Variants in SND1 observed in about 807,000 individuals in gnomAD.
The protein encoded by SND1 is staphylococcal nuclease and tudor domain containing 1.
SND1 carries 38 observed loss-of-function variants against 121.7 expected under a neutral mutation model. The observed-to-expected ratio is 0.31, with a 90% CI of 0.24 to 0.41. The LOEUF is 0.41. Ranked by LOEUF, SND1 falls within the 10% of genes least tolerant of loss-of-function variation. The pLI is 1.00. For missense variants in SND1, 868 were observed against 1,184.6 expected (o/e 0.73, Z 3.92); for synonymous variants, 401 against 447.4 (o/e 0.90, Z 1.31).
chr7:127,713,884 C>T (rs1316648365), intron 9 of SND1, among the ~76,000 whole-genome samples: 6 of 152,354 alleles, frequency 3.9e-5, no homozygotes, highest in African/African-American at 1.4e-4. Flanking sequence ...GTTCACTTCA[C>T]AGCGATTAGC....
chr7:128,046,799 C>T (rs1417633991), intron 16 of SND1, among the ~76,000 whole-genome samples: 1 of 152,128 alleles, frequency 6.6e-6, no homozygotes, highest in African/African-American at 2.4e-5. Context: ...CTAACTATTT[C>T]CTTTGAATAT....
At chr7:128,010,879 C>T (rs774288494) in intron 16 of SND1, among the ~76,000 whole-genome samples, 49 of 152,316 alleles carry the variant, frequency 3.2e-4, no homozygotes, top group Non-Finnish European at 5.1e-4. Context: ...CCTGTGGAGC[C>T]GCCAACACTG....
At chr7:127,730,919 C>T (rs976136442) in intron 10 of SND1, among the ~76,000 whole-genome samples, 5 of 152,206 alleles carry the variant, frequency 3.3e-5, no homozygotes, top group Admixed American at 1.3e-4. Flanking sequence ...ACTGGGAACG[C>T]GGGACTTTTT....
At chr7:127,853,320 G>A (rs1799208903) in intron 12 of SND1, among the ~76,000 whole-genome samples, 1 of 152,194 alleles carries the variant, frequency 6.6e-6, no homozygotes. Context: ...AGCTTTAGTA[G>A]TATATAGATA....
chr7:127,674,793 G>A (rs1484152971), intron 1 of SND1, among the ~76,000 whole-genome samples: 2 of 152,120 alleles, frequency 1.3e-5, no homozygotes, highest in African/African-American at 2.4e-5. Flanking sequence ...GCTTGAGCTG[G>A]GTTTATTTTT....
intron 10 of SND1, among the ~76,000 whole-genome samples, chr7:127,747,133 G>T (rs895156736): frequency 1.3e-5 from 2 of 152,188 alleles, no homozygotes; most frequent in Non-Finnish European, 2.9e-5. Context: ...TTTGTATGTA[G>T]AAATGAAGGA....
chr7:127,751,379 G>A (rs531124608), intron 10 of SND1, among the ~76,000 whole-genome samples: 5 of 152,262 alleles, frequency 3.3e-5, no homozygotes, highest in African/African-American at 1.2e-4. Context: ...GCTGAGTCCT[G>A]GCTGTTTCCA....
chr7:127,840,930 A>G (rs1473277120), intron 11 of SND1, among the ~76,000 whole-genome samples: 2 of 152,210 alleles, frequency 1.3e-5, no homozygotes, highest in Admixed American at 6.5e-5. Context: ...ATGGGAAACA[A>G]TTAATTGGCA....
intron 16 of SND1, chr7:127,997,825 G>A (rs1307982354): frequency 1.9e-6 from 1 of 534,746 alleles, no homozygotes. Context: ...TTTCGGCCCA[G>A]CACATCAGTC....
At chr7:127,706,405 T>C (rs1042031918) in intron 8 of SND1, among the ~76,000 whole-genome samples, 8 of 152,002 alleles carry the variant, frequency 5.3e-5, no homozygotes, top group Middle Eastern at 3.4e-3. Flanking sequence ...TACAGGCGCA[T>C]GCCACCACAC....
chr7:127,935,256 C>G (rs1469303129), intron 15 of SND1, among the ~76,000 whole-genome samples: 1 of 152,090 alleles, frequency 6.6e-6, no homozygotes, highest in African/African-American at 2.4e-5. Flanking sequence ...AAGTAAAAGC[C>G]AAAGGGTGAA....
intron 17 of SND1, among the ~76,000 whole-genome samples, chr7:128,078,104 C>T (rs1376532807): frequency 6.6e-6 from 1 of 152,186 alleles, no homozygotes; most frequent in African/African-American, 2.4e-5. Flanking sequence ...CCATGCACCC[C>T]AGCTCTGCAG....
chr7:127,932,944 C>T (rs927152638), intron 15 of SND1, among the ~76,000 whole-genome samples: 1 of 152,190 alleles, frequency 6.6e-6, no homozygotes, highest in Admixed American at 6.5e-5. Flanking sequence ...TGCAGTATCT[C>T]TGAGGTATGC....
chr7:127,845,357 G>A (rs1001414152), intron 12 of SND1, among the ~76,000 whole-genome samples: 6 of 152,202 alleles, frequency 3.9e-5, no homozygotes, highest in African/African-American at 1.2e-4. Context: ...CACTGCTACC[G>A]ATCCTATATT....
At chr7:127,814,508 T>C (rs1306400273) in intron 11 of SND1, among the ~76,000 whole-genome samples, 1 of 152,062 alleles carries the variant, frequency 6.6e-6, no homozygotes, top group Admixed American at 6.6e-5. Flanking sequence ...ATGTGCTCAT[T>C]TGGAAAGGAA....
chr7:127,769,328 C>T (rs1010396397), intron 10 of SND1, among the ~76,000 whole-genome samples: 1 of 152,168 alleles, frequency 6.6e-6, no homozygotes, highest in African/African-American at 2.4e-5. Context: ...TGTCTGTCCA[C>T]AGGTCAGGGA....
intron 16 of SND1, among the ~76,000 whole-genome samples, chr7:127,994,573 A>C (rs1010174552): frequency 1.5e-4 from 21 of 137,444 alleles, no homozygotes; most frequent in Admixed American, 5.6e-4. Context: ...AAAAAAAAAA[A>C]AAAAAAAAAA....
intron 11 of SND1, among the ~76,000 whole-genome samples, chr7:127,831,415 T>G (rs922333555): frequency 3.9e-5 from 6 of 152,212 alleles, no homozygotes; most frequent in Non-Finnish European, 7.3e-5. Context: ...CATGCCAAAA[T>G]GCAGTTCCTT....
chr7:127,791,723 A>G (rs1797912997), intron 10 of SND1, among the ~76,000 whole-genome samples: 1 of 152,206 alleles, frequency 6.6e-6, no homozygotes, highest in Non-Finnish European at 1.5e-5. Context: ...ACATTGCATG[A>G]TAAAATATGT....
Sources: allele counts gnomAD v4.1 joint callset (sites outside exome capture counted in the v4.1 genomes callset), GRCh38; gene constraint gnomAD v4.1.1; transcripts MANE v1.5; gene names NCBI Gene and HGNC (gene_info 2026-07-23, HGNC 2026-07-21).